The following EYS variants were observed in gnomAD, a reference collection of about 807,000 sequenced individuals.
EYS encodes the protein EGF-like photoreceptor maintenance factor.
EYS carries 250 observed loss-of-function variants against 282.1 expected under a neutral mutation model. The ratio of observed to expected loss-of-function variants is 0.89; its 90% CI spans 0.80 to 0.98. The LOEUF (loss-of-function observed/expected upper bound fraction) is 0.98, where lower values mean the gene tolerates loss of function less well. EYS is among the 50% of genes least tolerant of loss of function. The pLI is 0.00. For missense variants in EYS, 4,016 were observed against 3,709.0 expected (o/e 1.08, Z -2.15); for synonymous variants, 1,355 against 1,282.9 (o/e 1.06, Z -1.20).
chr6:65,086,266 A>G (rs1165984724), intron 12 of EYS, among the ~76,000 whole-genome samples: 1 of 152,040 alleles, frequency 6.6e-6, no homozygotes, highest in Admixed American at 6.6e-5. Context: ...TATTGAGCCG[A>G]GATTGTGCCA....
chr6:65,606,987 T>G (rs2149792964), intron 2 of EYS, among the ~76,000 whole-genome samples: 1 of 151,958 alleles, frequency 6.6e-6, no homozygotes, highest in South Asian at 2.1e-4. Flanking sequence ...TACAAAAATC[T>G]AATCTAAGAA....
intron 35 of EYS, among the ~76,000 whole-genome samples, chr6:63,956,983 G>A (rs1216292109): frequency 1.3e-5 from 2 of 152,104 alleles, no homozygotes; most frequent in Non-Finnish European, 2.9e-5. Context: ...CATTACAGAT[G>A]TTACTTTAGC....
chr6:64,797,755 A>G (rs1774403077), intron 22 of EYS, among the ~76,000 whole-genome samples: 1 of 151,994 alleles, frequency 6.6e-6, no homozygotes, highest in African/African-American at 2.4e-5. Flanking sequence ...AATAGGTTAA[A>G]ACTACAGTGC....
chr6:64,494,984 T>A (rs991596911), intron 26 of EYS, among the ~76,000 whole-genome samples: 1 of 151,756 alleles, frequency 6.6e-6, no homozygotes, highest in Admixed American at 6.6e-5. Context: ...ATTATTCTGT[T>A]ACTACTTAAA....
chr6:63,787,432 C>T (rs1332096866), intron 39 of EYS: 2 of 152,190 alleles, frequency 1.3e-5, no homozygotes, highest in African/African-American at 4.8e-5. Context: ...CCCTGCTCAG[C>T]CTATTTTAAA....
chr6:65,240,656 T>C (rs1159843310), intron 12 of EYS, among the ~76,000 whole-genome samples: 1 of 152,214 alleles, frequency 6.6e-6, no homozygotes, highest in Non-Finnish European at 1.5e-5. Flanking sequence ...GTGGTATATA[T>C]CACCACATTT....
chr6:65,482,010 C>T (rs12660796), intron 5 of EYS, among the ~76,000 whole-genome samples: 26,681 of 152,138 alleles, frequency 0.18, 2,903 homozygotes, highest in East Asian at 0.27. Flanking sequence ...GGATGGAATA[C>T]GGTAGCAAAG....
chr6:65,545,380 T>G (rs1389177330), intron 2 of EYS, among the ~76,000 whole-genome samples: 1 of 152,102 alleles, frequency 6.6e-6, no homozygotes, highest in Non-Finnish European at 1.5e-5. Flanking sequence ...TAACCAACAT[T>G]TTTATACATG....
intron 31 of EYS, among the ~76,000 whole-genome samples, chr6:64,082,566 CAAT>C (rs747095728): frequency 3.1e-4 from 47 of 151,890 alleles, no homozygotes; most frequent in Admixed American, 2.6e-3. Flanking sequence ...AATTATATGT[CAAT>C]AAAGTGAAAA....
chr6:64,073,389 T>C (rs533835608), intron 32 of EYS, among the ~76,000 whole-genome samples: 2 of 151,918 alleles, frequency 1.3e-5, no homozygotes, highest in African/African-American at 4.8e-5. Context: ...TGATTGACTT[T>C]TTTCACCCTC....
intron 41 of EYS, among the ~76,000 whole-genome samples, chr6:63,756,036 C>A (rs190798997): frequency 1.1e-3 from 164 of 152,262 alleles, no homozygotes; most frequent in Non-Finnish European, 1.8e-3. Context: ...TGGGCTGAGA[C>A]AATGGGGTTT....
intron 11 of EYS, among the ~76,000 whole-genome samples, chr6:65,297,030 G>C (rs926846866): frequency 6.6e-6 from 1 of 151,430 alleles, no homozygotes; most frequent in Non-Finnish European, 1.5e-5. Flanking sequence ...TAATTTATTT[G>C]ATCATTATAC....
chr6:65,614,369 A>C (rs7739112), intron 2 of EYS, among the ~76,000 whole-genome samples: 54,196 of 151,832 alleles, frequency 0.36, 12,076 homozygotes, highest in Non-Finnish European at 0.49. Flanking sequence ...TAATTCATTT[A>C]ATGTCCGTAT....
intron 1 of EYS, among the ~76,000 whole-genome samples, chr6:65,705,585 T>C (rs1462160343): frequency 6.6e-6 from 1 of 152,188 alleles, no homozygotes; most frequent in African/African-American, 2.4e-5. Flanking sequence ...TTGTGCTTAT[T>C]CCCTATGCTC....
chr6:64,361,934 T>C (rs1772023283), intron 29 of EYS, among the ~76,000 whole-genome samples: 1 of 151,862 alleles, frequency 6.6e-6, no homozygotes, highest in South Asian at 2.1e-4. Context: ...CTTTGCTTTC[T>C]TGCAATTGGA....
At chr6:65,485,439 G>A (rs1765751593) in intron 5 of EYS, among the ~76,000 whole-genome samples, 1 of 152,122 alleles carries the variant, frequency 6.6e-6, no homozygotes, top group South Asian at 2.1e-4. Context: ...GTTCCTCTGT[G>A]CATACAAAAA....
chr6:65,220,847 G>T (rs774665524), intron 12 of EYS, among the ~76,000 whole-genome samples: 9 of 152,114 alleles, frequency 5.9e-5, no homozygotes, highest in African/African-American at 1.4e-4. Flanking sequence ...AGTACAGGTT[G>T]AGGTGCTTTG....
At chr6:64,512,844 G>T (rs1478223652) in intron 26 of EYS, among the ~76,000 whole-genome samples, 1 of 151,742 alleles carries the variant, frequency 6.6e-6, no homozygotes, top group African/African-American at 2.4e-5. Context: ...CCAAAGTCAG[G>T]CATAAGATGA....
chr6:64,322,675 C>G (rs1770260952), intron 29 of EYS, among the ~76,000 whole-genome samples: 1 of 152,024 alleles, frequency 6.6e-6, no homozygotes, highest in Admixed American at 6.6e-5. Flanking sequence ...TAATCATTTT[C>G]TCTGGAGGAT....
Sources: allele counts gnomAD v4.1 joint callset (sites outside exome capture counted in the v4.1 genomes callset), GRCh38; gene constraint gnomAD v4.1.1; transcripts MANE v1.5; gene names NCBI Gene and HGNC (gene_info 2026-07-23, HGNC 2026-07-21).